The following LRRC4C variants were observed in gnomAD, a reference collection of about 807,000 sequenced individuals.
The protein encoded by LRRC4C is leucine-rich repeat-containing protein 4C.
A neutral mutation model predicts 33.6 loss-of-function variants in LRRC4C; 5 were observed. The observed-to-expected ratio is 0.15, with a 90% CI of 0.08 to 0.31. The LOEUF (loss-of-function observed/expected upper bound fraction) is 0.31, where lower values mean the gene tolerates loss of function less well. Ranked by LOEUF, LRRC4C falls within the 10% of genes least tolerant of loss-of-function variation. The pLI is 1.00. For missense variants in LRRC4C, 560 were observed against 796.7 expected (o/e 0.70, Z 3.58); for synonymous variants, 329 against 302.0 (o/e 1.09, Z -0.93).
At position 40,376,982 on chromosome 11, in the gene LRRC4C, C is replaced by G. The variant is rs146323777; in HGVS notation, c.-269-57261G>C. ...TTTTCCTTCAAAAAGTACCTGTAAC[C>G]ACTGGATATACTTAAGTTATATTGA... On this transcript the variant is annotated intron_variant, in intron 3 of 6. Transcript: ENST00000528697. Among the ~76,000 whole-genome samples, 739 of 152,168 alleles carry G rather than the reference C, an allele frequency of 4.9e-3. 6 individuals carry two copies. Among genetic ancestry groups the G allele is most frequent in the African/African-American group, 0.016 (649 of 41,520 alleles).
intron 1 of LRRC4C, among the ~76,000 whole-genome samples, chr11:41,185,743 A>C (rs1945665473): frequency 6.6e-6 from 1 of 152,220 alleles, no homozygotes. Flanking sequence ...AATATACTGC[A>C]CTAAAGTATA....
intron 5 of LRRC4C, among the ~76,000 whole-genome samples, chr11:40,202,213 C>CAA (rs35644436): frequency 1.6e-3 from 106 of 64,950 alleles, no homozygotes; most frequent in African/African-American, 5.4e-3. Context: ...GTGTGATTAC[C>CAA]AAAAAAAAAA....
chr11:40,944,678 G>C (rs1018071142), intron 1 of LRRC4C, among the ~76,000 whole-genome samples: 4 of 152,098 alleles, frequency 2.6e-5, no homozygotes, highest in African/African-American at 7.2e-5. Flanking sequence ...CCCAGTCCTC[G>C]AGATGATTCT....
chr11:40,598,102 C>G (rs1379888365), intron 3 of LRRC4C, among the ~76,000 whole-genome samples: 1 of 152,158 alleles, frequency 6.6e-6, no homozygotes, highest in Non-Finnish European at 1.5e-5. Flanking sequence ...TTAGAGAAAA[C>G]AGGCCACACA....
chr11:41,000,015 A>G (rs1854262112), intron 1 of LRRC4C, among the ~76,000 whole-genome samples: 1 of 152,148 alleles, frequency 6.6e-6, no homozygotes, highest in Non-Finnish European at 1.5e-5. Context: ...AAGGGTGAGA[A>G]AACATTAAGC....
At chr11:40,798,093 T>G (rs1950903680) in intron 2 of LRRC4C, among the ~76,000 whole-genome samples, 1 of 152,192 alleles carries the variant, frequency 6.6e-6, no homozygotes, top group East Asian at 1.9e-4. Context: ...TTCAAGTCCC[T>G]TACTTGAAAG....
At chr11:40,776,722 A>G (rs1429666698) in intron 2 of LRRC4C, among the ~76,000 whole-genome samples, 1 of 152,000 alleles carries the variant, frequency 6.6e-6, no homozygotes, top group African/African-American at 2.4e-5. Context: ...TTGTCTTGAT[A>G]CCATTCACTT....
At chr11:40,269,290 A>G (rs1334225860) in intron 4 of LRRC4C, among the ~76,000 whole-genome samples, 3 of 152,184 alleles carry the variant, frequency 2.0e-5, no homozygotes, top group Non-Finnish European at 4.4e-5. Flanking sequence ...AATATCATGA[A>G]GACTAATAAT....
chr11:40,550,577 G>T lies in LRRC4C; in HGVS notation c.-270+97565C>A, dbSNP rs151300831. 4.5e-3 allele frequency among the ~76,000 whole-genome samples: 680 copies of T among 152,250 alleles called. 22 individuals carry two copies. The highest frequency in any genetic ancestry group is 0.032 in the Admixed American group (484 of 15,292). ...AAGCAGGAAGTGCAGAGAGACAGAT[G>T]GATGAATATTAATTGATGTTCATAA... On this transcript the variant is annotated intron_variant, in intron 3 of 6. Coordinates refer to ENST00000528697, the MANE Select transcript of LRRC4C (RefSeq NM_001258419.2).
intron 1 of LRRC4C, among the ~76,000 whole-genome samples, chr11:41,028,552 C>G (rs773802476): frequency 6.6e-4 from 94 of 141,732 alleles, no homozygotes; most frequent in Non-Finnish European, 1.3e-3. Flanking sequence ...TAAAACAGGA[C>G]ATATTTTTAG....
At chr11:41,288,223 G>A (rs972685464) in intron 1 of LRRC4C, among the ~76,000 whole-genome samples, 7 of 152,174 alleles carry the variant, frequency 4.6e-5, no homozygotes, top group Admixed American at 6.5e-5. Flanking sequence ...GAATGAAAAA[G>A]AGCCACTTAG....
At chr11:40,738,860 C>T (rs996069565) in intron 2 of LRRC4C, among the ~76,000 whole-genome samples, 1 of 152,024 alleles carries the variant, frequency 6.6e-6, no homozygotes, top group South Asian at 2.1e-4. Flanking sequence ...CCACCCAGTG[C>T]AGGACTCTTT....
intron 1 of LRRC4C, among the ~76,000 whole-genome samples, chr11:41,058,764 T>C (rs529700179): frequency 1.4e-4 from 21 of 152,324 alleles, no homozygotes; most frequent in African/African-American, 5.1e-4. Flanking sequence ...ACATATATGT[T>C]CATCACATCA....
intron 1 of LRRC4C, among the ~76,000 whole-genome samples, chr11:41,302,308 T>A: frequency 6.6e-6 from 1 of 152,294 alleles, no homozygotes; most frequent in South Asian, 2.1e-4. Context: ...AAGGGATACA[T>A]GCATTACTCA....
chr11:41,072,975 G>GTTTGTATAA (rs1938821045), intron 1 of LRRC4C, among the ~76,000 whole-genome samples: 1 of 152,164 alleles, frequency 6.6e-6, no homozygotes, highest in Non-Finnish European at 1.5e-5. Flanking sequence ...ATTTGTATAA[G>GTTTGTATAA]TTGGGAGTGA....
At chr11:41,232,522 T>C (rs138118758) in intron 1 of LRRC4C, among the ~76,000 whole-genome samples, 1,621 of 152,168 alleles carry the variant, frequency 0.011, 30 homozygotes, top group African/African-American at 0.036. Context: ...ATTTCAAAAG[T>C]TCTGTGTTCA....
intron 2 of LRRC4C, among the ~76,000 whole-genome samples, chr11:40,704,038 T>C (rs1466525479): frequency 2.6e-5 from 4 of 152,082 alleles, no homozygotes; most frequent in Non-Finnish European, 5.9e-5. Context: ...AAATATTAGA[T>C]GGTGGGGAGA....
intron 1 of LRRC4C, among the ~76,000 whole-genome samples, chr11:41,210,241 C>G (rs1946766304): frequency 6.6e-6 from 1 of 152,188 alleles, no homozygotes; most frequent in African/African-American, 2.4e-5. Context: ...TCACCCAAAT[C>G]TCATCTTGAA....
intron 1 of LRRC4C, among the ~76,000 whole-genome samples, chr11:41,375,123 G>A (rs1952890441): frequency 6.6e-6 from 1 of 152,056 alleles, no homozygotes; most frequent in Non-Finnish European, 1.5e-5. Flanking sequence ...GTGAGACCCT[G>A]TCTCAAAATA....
Sources: allele counts gnomAD v4.1 joint callset (sites outside exome capture counted in the v4.1 genomes callset), GRCh38; gene constraint gnomAD v4.1.1; transcripts MANE v1.5; gene names NCBI Gene and HGNC (gene_info 2026-07-23, HGNC 2026-07-21).